PPM1E: variants seen among roughly 807,000 people sequenced by gnomAD.
PPM1E encodes protein phosphatase, Mg2+/Mn2+ dependent 1E, also known as protein phosphatase 1E.
Under a neutral mutation model 65.9 loss-of-function variants are expected in PPM1E, and 20 were observed. That is an observed-to-expected ratio of 0.30 (90% CI 0.21 to 0.44). The LOEUF (loss-of-function observed/expected upper bound fraction) is 0.44. Among genes scored for constraint, PPM1E ranks in the 20% least tolerant of loss-of-function variants. The pLI, the probability that PPM1E is intolerant of heterozygous loss-of-function variation, is 1.00. For missense variants in PPM1E, 713 were observed against 953.1 expected (o/e 0.75, Z 3.32); for synonymous variants, 352 against 374.9 (o/e 0.94, Z 0.70).
In PPM1E at chr17:58,969,686, C is replaced by A; in HGVS notation, c.931C>A (p.Arg311=). ...DPAEALCRAF[R]VTDERFVQKA... ...TGCTGAGGCCCTGTGCAGGGCCTTC[C>A]GGGTCACTGATGAGCGGTTTGTGCA... Residue 311 remains arginine, a synonymous_variant, in exon 4 of 7, where the codon CGG becomes AGG. Coordinates refer to ENST00000308249, the MANE Select transcript of PPM1E (RefSeq NM_014906.5). The A allele has an allele frequency of 2.5e-6, 4 of 1,614,128 alleles. No homozygotes were observed. The highest frequency in any genetic ancestry group is 1.7e-5 in the Admixed American group (1 of 60,012).
chr17:58,869,446 A>G lies in PPM1E; in HGVS notation c.465-86203A>G, dbSNP rs548453547. 4.9e-4 allele frequency among the ~76,000 whole-genome samples: 75 copies of G among 152,202 alleles called. 1 individual carries two copies. Among genetic ancestry groups the G allele is most frequent in the African/African-American group, 1.7e-3 (69 of 41,516 alleles). ...ACAGTAATGAATGAGTTCTCATTCT[A>G]TTGGTTCCCATGAGAGCTGATTGTT... On this transcript the variant is annotated intron_variant, in intron 1 of 6. Coordinates refer to ENST00000308249, the MANE Select transcript of PPM1E (RefSeq NM_014906.5).
At chr17:58,936,564 G>A (rs992181557) in intron 1 of PPM1E, among the ~76,000 whole-genome samples, 1 of 152,152 alleles carries the variant, frequency 6.6e-6, no homozygotes, top group Non-Finnish European at 1.5e-5. Flanking sequence ...ATGTCAGGAA[G>A]GATGTACTTT....
At chr17:58,839,591 A>G (rs542187877) in intron 1 of PPM1E, among the ~76,000 whole-genome samples, 55 of 152,322 alleles carry the variant, frequency 3.6e-4, no homozygotes, top group African/African-American at 1.1e-3. Context: ...CATTGTTGCT[A>G]TACTTGTATA....
At chr17:58,936,974 G>A (rs2051989796) in intron 1 of PPM1E, among the ~76,000 whole-genome samples, 1 of 152,056 alleles carries the variant, frequency 6.6e-6, no homozygotes, top group African/African-American at 2.4e-5. Context: ...TTGGATTGAT[G>A]TCAGCCTATA....
intron 1 of PPM1E, among the ~76,000 whole-genome samples, chr17:58,850,731 T>C (rs1160615066): frequency 6.6e-6 from 1 of 152,200 alleles, no homozygotes; most frequent in East Asian, 1.9e-4. Context: ...ATTTCAACTT[T>C]GGTGAATCTG....
At chr17:58,923,746 CA>C (rs531852494) in intron 1 of PPM1E, among the ~76,000 whole-genome samples, 1,306 of 62,366 alleles carry the variant, frequency 0.021, 16 homozygotes, top group African/African-American at 0.062. Context: ...GACTTCGTCT[CA>C]AAAAAAAAAA....
At chr17:58,803,339 T>C (rs2050276300) in intron 1 of PPM1E, among the ~76,000 whole-genome samples, 1 of 152,224 alleles carries the variant, frequency 6.6e-6, no homozygotes, top group African/African-American at 2.4e-5. Flanking sequence ...GGTGATCATA[T>C]GATTTTTATC....
intron 1 of PPM1E, among the ~76,000 whole-genome samples, chr17:58,816,787 TA>T (rs1567842282): frequency 5.2e-3 from 52 of 9,966 alleles, no homozygotes; most frequent in Non-Finnish European, 8.0e-3. Flanking sequence ...TATATATATA[TA>T]TATATATTTT....
chr17:58,974,425 A>G (rs566262113), intron 6 of PPM1E, among the ~76,000 whole-genome samples: 1 of 152,290 alleles, frequency 6.6e-6, no homozygotes, highest in South Asian at 2.1e-4. Flanking sequence ...AAAAGAAGGG[A>G]AAGTCAATGA....
At chr17:58,847,214 G>T (rs1278537651) in intron 1 of PPM1E, among the ~76,000 whole-genome samples, 1 of 151,974 alleles carries the variant, frequency 6.6e-6, no homozygotes, top group East Asian at 1.9e-4. Flanking sequence ...CTCCCATTCT[G>T]TAGGTTGCCT....
At chr17:58,786,643 C>T (rs1369068008) in intron 1 of PPM1E, among the ~76,000 whole-genome samples, 3 of 152,066 alleles carry the variant, frequency 2.0e-5, no homozygotes, top group Admixed American at 6.6e-5. Context: ...GTAGAATTTT[C>T]CATTAAATAT....
intron 1 of PPM1E, chr17:58,785,547 T>C (rs1348871109): frequency 1.4e-5 from 2 of 146,640 alleles, no homozygotes; most frequent in East Asian, 4.1e-4. Context: ...TGGCCTCTAG[T>C]GATTTTCCTG....
intron 1 of PPM1E, among the ~76,000 whole-genome samples, chr17:58,806,589 G>C (rs1417734712): frequency 6.6e-6 from 1 of 152,012 alleles, no homozygotes; most frequent in Non-Finnish European, 1.5e-5. Context: ...GATCTTTGGG[G>C]ATTTGTAATA....
chr17:58,897,562 G>A (rs1318441497), intron 1 of PPM1E, among the ~76,000 whole-genome samples: 1 of 152,166 alleles, frequency 6.6e-6, no homozygotes, highest in African/African-American at 2.4e-5. Context: ...ATGGATCAAA[G>A]AGTAATTTTG....
intron 1 of PPM1E, among the ~76,000 whole-genome samples, chr17:58,855,475 C>T (rs1039587415): frequency 2.6e-5 from 4 of 152,168 alleles, no homozygotes; most frequent in Middle Eastern, 3.2e-3. Flanking sequence ...CTTACTACCA[C>T]GTTACTAAAG....
chr17:58,966,186 C>T (rs962518960), intron 3 of PPM1E: 1 of 434,128 alleles, frequency 2.3e-6, no homozygotes, highest in Middle Eastern at 3.4e-4. Flanking sequence ...TTTGTGTCAC[C>T]TTCCAGAGCT....
intron 1 of PPM1E, among the ~76,000 whole-genome samples, chr17:58,772,453 TAAA>T (rs879480951): frequency 1.4e-5 from 2 of 139,682 alleles, no homozygotes. Context: ...AGACTCCATC[TAAA>T]AAAAAAAAAA....
intron 1 of PPM1E, among the ~76,000 whole-genome samples, chr17:58,893,642 T>C (rs894037965): frequency 1.3e-5 from 2 of 152,188 alleles, no homozygotes; most frequent in Non-Finnish European, 2.9e-5. Flanking sequence ...TGTGTGTTCA[T>C]TGATTATAAC....
chr17:58,883,784 C>G (rs9905018), intron 1 of PPM1E, among the ~76,000 whole-genome samples: 66 of 151,880 alleles, frequency 4.3e-4, no homozygotes, highest in African/African-American at 1.6e-3. Flanking sequence ...CGCGCCCGGC[C>G]CGCTGCCTGT....
Sources: allele counts gnomAD v4.1 joint callset (sites outside exome capture counted in the v4.1 genomes callset), GRCh38; gene constraint gnomAD v4.1.1; transcripts MANE v1.5; gene names NCBI Gene and HGNC (gene_info 2026-07-23, HGNC 2026-07-21).